XPA: variants seen among roughly 807,000 people sequenced by gnomAD.
XPA encodes XPA, DNA damage recognition and repair factor.
Under a neutral mutation model 35.7 loss-of-function variants are expected in XPA, and 27 were observed. The ratio of observed to expected loss-of-function variants is 0.76; its 90% confidence interval spans 0.56 to 1.04. The LOEUF is 1.04. XPA is among the 50% of genes least tolerant of loss of function. The probability of loss-of-function intolerance (pLI) is 0.00; values close to 1 mark genes in which losing one functional copy is unlikely to be tolerated. For synonymous variants in XPA, 133 were observed against 118.4 expected (o/e 1.12, Z -0.80); for missense variants, 354 against 342.7 (o/e 1.03, Z -0.26).
chr9:97,675,844 G>A lies in XPA; in HGVS notation c.674-257C>T. On this transcript the variant is annotated intron_variant, in intron 5 of 5. Coordinates refer to ENST00000375128, the MANE Select transcript of XPA (RefSeq NM_000380.4). ...CAAGAGATTCAGAAATGGTTATGTG[G>A]GTTGGTGGTATGCAAAACAGAACCA... 5.6e-6 allele frequency: 3 copies of A among 536,928 alleles called. No homozygotes were observed. In the South Asian group the frequency reaches 6.2e-5, roughly 11 times the overall value. The allele number at this position is 536,928 out of a possible 1,614,324, so 33.3% of individuals were successfully genotyped here.
the XPA span, among the ~76,000 whole-genome samples, chr9:97,656,251 A>G: frequency 6.6e-6 from 1 of 152,234 alleles, no homozygotes; most frequent in African/African-American, 2.4e-5. Context: ...ACCATGCCAT[A>G]TAGATTCCAT....
the XPA span, chr9:97,658,522 T>G: frequency 1.3e-6 from 1 of 759,416 alleles, no homozygotes; most frequent in Non-Finnish European, 2.2e-6. Context: ...TCCCTTTCAC[T>G]TCTTGGTTGT....
At chr9:97,689,781 A>G (rs1828829616) in intron 2 of XPA, 142 bp from the exon 3 acceptor site, 3 of 516,888 alleles carry the variant, frequency 5.8e-6, no homozygotes, top group Non-Finnish European at 6.7e-6. Flanking sequence ...CCTTATGTTT[A>G]TCTAAAAAAA....
chr9:97,667,254 G>A, the XPA span, among the ~76,000 whole-genome samples: 2 of 152,206 alleles, frequency 1.3e-5, no homozygotes, highest in Non-Finnish European at 2.9e-5. Flanking sequence ...CCCGTACTGT[G>A]AGGAGGAATG....
At chr9:97,674,886 C>A, downstream of XPA, 1 of 484,478 alleles carries the variant, frequency 2.1e-6, no homozygotes. Context: ...ACAATAGAGG[C>A]CCCAAGAGTA....
At chr9:97,692,053 G>A (rs1564049384) in intron 2 of XPA, among the ~76,000 whole-genome samples, 1 of 151,988 alleles carries the variant, frequency 6.6e-6, no homozygotes, top group African/African-American at 2.4e-5. Context: ...AGCACTTTGG[G>A]AGGCCGAGGA....
At chr9:97,679,831 AAG>A (rs1828480789) in intron 5 of XPA, among the ~76,000 whole-genome samples, 1 of 152,194 alleles carries the variant, frequency 6.6e-6, no homozygotes, top group South Asian at 2.1e-4. Context: ...ACTCCCTTAA[AAG>A]ACAGAGCTGG....
chr9:97,678,337 G>C (rs1263804700), intron 5 of XPA, among the ~76,000 whole-genome samples: 1 of 152,056 alleles, frequency 6.6e-6, no homozygotes, highest in Admixed American at 6.6e-5. Context: ...GGAGGTGAAG[G>C]TTGCAGTGAG....
intron 1 of XPA, 44 bp downstream of exon 1, chr9:97,697,077 G>A (rs1829071716): frequency 1.3e-6 from 2 of 1,505,310 alleles, no homozygotes; most frequent in African/African-American, 1.4e-5. Flanking sequence ...TGGGGACCGG[G>A]GAGGCGGGGA....
At chr9:97,684,337 T>C (rs1828640050) in intron 5 of XPA, among the ~76,000 whole-genome samples, 1 of 152,150 alleles carries the variant, frequency 6.6e-6, no homozygotes, top group African/African-American at 2.4e-5. Context: ...CAGCGATAGA[T>C]GGACAAGGGA....
chr9:97,677,470 C>A (rs2131381931), intron 5 of XPA, among the ~76,000 whole-genome samples: 1 of 152,104 alleles, frequency 6.6e-6, no homozygotes, highest in Admixed American at 6.5e-5. Context: ...CCTGGGAGTT[C>A]AAGACCAGCC....
At chr9:97,661,962 C>A in the XPA span, 1 of 935,076 alleles carries the variant, frequency 1.1e-6, no homozygotes. Context: ...TGTGAGCAAC[C>A]ATCTATTTAG....
chr9:97,662,090 C>T, the XPA span: 1 of 1,613,916 alleles, frequency 6.2e-7, no homozygotes, highest in Non-Finnish European at 8.5e-7. Context: ...TTTGTACAGA[C>T]TCTGCTACAC....
the XPA span, chr9:97,662,833 CTTAG>C: frequency 1.4e-6 from 1 of 703,204 alleles, no homozygotes; most frequent in African/African-American, 1.8e-5. Context: ...ATGGTTAATA[CTTAG>C]TTATTTTGCA....
downstream of XPA, chr9:97,672,696 C>G (rs1418436346): frequency 7.6e-5 from 13 of 172,126 alleles, no homozygotes; most frequent in Non-Finnish European, 1.2e-5. Flanking sequence ...GATGGCAAGA[C>G]CAGCCCCTTG....
chr9:97,661,083 G>T, the XPA span: 2 of 1,610,610 alleles, frequency 1.2e-6, no homozygotes, highest in South Asian at 1.1e-5. Flanking sequence ...GTGGAATTCA[G>T]TATTTCTTAA....
At chr9:97,671,091 C>A, downstream of XPA, 1 of 1,605,452 alleles carries the variant, frequency 6.2e-7, no homozygotes, top group Non-Finnish European at 8.5e-7. Flanking sequence ...CACAGCATCA[C>A]CAAATAATCC....
At chr9:97,667,042 A>G in the XPA span, among the ~76,000 whole-genome samples, 1 of 152,178 alleles carries the variant, frequency 6.6e-6, no homozygotes, top group Non-Finnish European at 1.5e-5. Context: ...GAAGAGGAGG[A>G]AGGAGCAGGT....
chr9:97,661,296 T>A, the XPA span, among the ~76,000 whole-genome samples: 1 of 152,302 alleles, frequency 6.6e-6, no homozygotes, highest in Non-Finnish European at 1.5e-5. Flanking sequence ...AAATACAAAG[T>A]GAAATATGTT....
Sources: allele counts gnomAD v4.1 joint callset (sites outside exome capture counted in the v4.1 genomes callset), GRCh38; gene constraint gnomAD v4.1.1; transcripts MANE v1.5; gene names NCBI Gene and HGNC (gene_info 2026-07-23, HGNC 2026-07-21).